THEMIS: variants seen among roughly 807,000 people sequenced by gnomAD.
THEMIS encodes the protein thymocyte selection associated, also known as protein THEMIS.
THEMIS carries 37 observed loss-of-function variants against 52.6 expected under a neutral mutation model. The observed-to-expected ratio is 0.70, with a 90% CI of 0.54 to 0.93. The LOEUF (loss-of-function observed/expected upper bound fraction) is 0.93, where lower values mean the gene tolerates loss of function less well. Ranked by LOEUF, THEMIS falls within the 40% of genes least tolerant of loss-of-function variation. THEMIS has a pLI of 0.00. For synonymous variants in THEMIS, 292 were observed against 272.7 expected, an observed-to-expected ratio of 1.07 and a Z score of -0.70; for missense variants, 808 against 763.1, an observed-to-expected ratio of 1.06 and a Z score of -0.69.
At chr6:127,886,488 A>G (rs2114451984) in intron 1 of THEMIS, among the ~76,000 whole-genome samples, 1 of 152,224 alleles carries the variant, frequency 6.6e-6, no homozygotes, top group South Asian at 2.1e-4. Context: ...ATTGGGCCAT[A>G]CCAGAAAGTT....
At chr6:127,765,781 C>T (rs971573824) in intron 4 of THEMIS, among the ~76,000 whole-genome samples, 3 of 151,992 alleles carry the variant, frequency 2.0e-5, no homozygotes, top group African/African-American at 7.2e-5. Context: ...ATAGGTCATA[C>T]CATATAGCCT....
chr6:127,715,612 T>A (rs141477632), intron 5 of THEMIS, among the ~76,000 whole-genome samples: 2 of 152,050 alleles, frequency 1.3e-5, no homozygotes, highest in Middle Eastern at 3.4e-3. Flanking sequence ...ACACTAAACA[T>A]TTAGATTAAA....
chr6:127,711,908 T>C (rs1220119063), intron 5 of THEMIS, among the ~76,000 whole-genome samples: 2 of 151,972 alleles, frequency 1.3e-5, no homozygotes, highest in African/African-American at 4.8e-5. Context: ...ACTGGCTGTG[T>C]ATTTTGAGGA....
chr6:127,719,281 T>A (rs900555575), intron 5 of THEMIS, among the ~76,000 whole-genome samples: 3 of 151,938 alleles, frequency 2.0e-5, no homozygotes, highest in African/African-American at 7.2e-5. Context: ...TAAACCATCA[T>A]AATTCAAGCT....
chr6:127,908,796 T>C (rs1273109057), intron 1 of THEMIS, among the ~76,000 whole-genome samples: 1 of 151,886 alleles, frequency 6.6e-6, no homozygotes, highest in Non-Finnish European at 1.5e-5. Context: ...TAACAGCTCT[T>C]TTCTCTTTTC....
At chr6:127,822,398 A>G (rs887621624) in intron 3 of THEMIS, among the ~76,000 whole-genome samples, 2 of 152,066 alleles carry the variant, frequency 1.3e-5, no homozygotes, top group African/African-American at 4.8e-5. Context: ...CCTCTGGTTC[A>G]TCTGCTGTCC....
rs117141386 is a variant in THEMIS, at chr6:127,802,425, G to A, written c.1758+10458C>T. On this transcript the variant is annotated intron_variant, in intron 4 of 5. Transcript: ENST00000368248. The stretch of plus-strand genomic sequence containing the variant: ...GATCCTGAGGTGGCAGGGGCCAAGT[G>A]GCAGCACTGAACATCAAAGCAAAGG... Among the ~76,000 whole-genome samples the A allele has an allele frequency of 3.3e-3, 497 of 152,280 alleles. 5 individuals are homozygous for A. In the East Asian group the frequency reaches 0.06, roughly 18 times the overall value.
At position 127,813,123 on chromosome 6, in the gene THEMIS, C is replaced by A. The variant is rs776366118; in HGVS notation, c.1518G>T (p.Val506=). 4 of 1,613,904 alleles carry A rather than the reference C, an allele frequency of 2.5e-6. No homozygotes were observed. Among genetic ancestry groups the A allele is most frequent in the East Asian group, 4.5e-5 (2 of 44,882 alleles). ...ANPTECWEIP[V]GRLNMTVQLV... ...ACTGAACAGTCATATTCAAGCGGCC[C>A]ACAGGAATTTCCCAGCACTCCGTGG... Residue 506 remains valine (V), a synonymous_variant, in exon 4 of 6, where the codon GTG becomes GTT. Coordinates refer to ENST00000368248, the MANE Select transcript of THEMIS (RefSeq NM_001010923.3).
intron 4 of THEMIS, among the ~76,000 whole-genome samples, chr6:127,753,330 T>C (rs946913412): frequency 1.3e-5 from 2 of 151,926 alleles, no homozygotes; most frequent in African/African-American, 4.8e-5. Context: ...ACAAAATCAA[T>C]ATACAAAAAT....
chr6:127,815,323 A>T (rs959409561), intron 3 of THEMIS, among the ~76,000 whole-genome samples: 1 of 151,720 alleles, frequency 6.6e-6, no homozygotes, highest in Non-Finnish European at 1.5e-5. Context: ...TCTTCCTTCC[A>T]TGCTTTTGAA....
chr6:127,892,984 T>A (rs1439164147), intron 1 of THEMIS, among the ~76,000 whole-genome samples: 2 of 152,186 alleles, frequency 1.3e-5, no homozygotes, highest in Non-Finnish European at 2.9e-5. Flanking sequence ...AGTAATTCCT[T>A]ATACATTCAG....
intron 3 of THEMIS, 48 bp downstream of exon 3, chr6:127,829,428 C>T (rs1374900357): frequency 4.8e-6 from 7 of 1,461,510 alleles, no homozygotes; most frequent in Non-Finnish European, 4.6e-6. Flanking sequence ...CTTTCCCAAA[C>T]CCCATAATGC....
chr6:127,760,773 T>A (rs1454118447), intron 4 of THEMIS, among the ~76,000 whole-genome samples: 2 of 152,030 alleles, frequency 1.3e-5, no homozygotes, highest in Non-Finnish European at 2.9e-5. Flanking sequence ...TGAGACCCTG[T>A]CTCTTAAAAG....
intron 1 of THEMIS, among the ~76,000 whole-genome samples, chr6:127,881,943 T>G (rs1780496466): frequency 6.6e-6 from 1 of 150,860 alleles, no homozygotes; most frequent in African/African-American, 2.4e-5. Flanking sequence ...ATATATTCCT[T>G]GAAGGCATTC....
chr6:127,719,541 A>G, intron 5 of THEMIS, 147 bp downstream of exon 5: 1 of 625,572 alleles, frequency 1.6e-6, no homozygotes, highest in Admixed American at 3.1e-5. Flanking sequence ...ATAAATCTTC[A>G]TTTCAATGTG....
chr6:127,915,886 C>T (rs908332703), intron 1 of THEMIS, among the ~76,000 whole-genome samples: 1 of 152,244 alleles, frequency 6.6e-6, no homozygotes, highest in African/African-American at 2.4e-5. Context: ...ACTCGGGAGG[C>T]TGAGGCAGGA....
chr6:127,730,321 A>AAG lies in THEMIS; in HGVS notation c.1759-10499_1759-10498insCT, dbSNP rs1307352446. ...GAAAAGAAAAGAAAAGAAAAGAGAAAAAAAGAAAAGAAAAGAAAAGAAGAG... is the reference window on the plus strand; with the variant it reads ...GAAAAGAAAAGAAAAGAAAAGAGAAAAGAAAAGAAAAGAAAAGAAAAGAAGAG... On this transcript the variant is annotated intron_variant, in intron 4 of 5. Coordinates refer to ENST00000368248, the MANE Select transcript of THEMIS (RefSeq NM_001010923.3). 3.1e-3 allele frequency among the ~76,000 whole-genome samples: 189 copies of AAG among 61,576 alleles called. 2 individuals are homozygous for AAG. Among genetic ancestry groups the AAG allele is most frequent in the Non-Finnish European group, 6.4e-3 (120 of 18,824 alleles). The allele number at this position is 61,576 out of a possible 152,430, so 40.4% of individuals were successfully genotyped here. A position where few individuals can be genotyped will look rare whatever the true frequency, so the allele number is the denominator to read the frequency against.
rs560317827 is a variant in THEMIS, at chr6:127,872,519, G to A, written c.92-17331C>T. Among the ~76,000 whole-genome samples the A allele has an allele frequency of 3.1e-4, 47 of 152,070 alleles. No individual in the cohort carries two copies. In the East Asian group the frequency reaches 6.6e-3, roughly 21 times the overall value. On this transcript the variant is annotated intron_variant, in intron 1 of 5. Transcript: ENST00000368248. ...AGAGGTTGCAGTGAGCCGAGATTGC[G>A]CCACTGCACTGCAGCCTGGGTGACA... is the stretch of plus-strand genomic sequence containing the variant.
chr6:127,790,763 G>A (rs891979636), intron 4 of THEMIS, among the ~76,000 whole-genome samples: 5 of 152,188 alleles, frequency 3.3e-5, no homozygotes, highest in African/African-American at 1.2e-4. Flanking sequence ...AGAGCGGTGA[G>A]GATTGTGTGA....
Sources: gnomAD v4.1 joint callset for allele counts (sites outside exome capture counted in the v4.1 genomes callset) on GRCh38, gnomAD v4.1.1 for gene constraint, MANE v1.5 for transcripts, NCBI Gene and HGNC (gene_info 2026-07-23, HGNC 2026-07-21) for gene names.